Variants in RAD50 observed in about 807,000 individuals in gnomAD.
The protein encoded by RAD50 is RAD50 double strand break repair protein.
A neutral mutation model predicts 168.8 loss-of-function variants in RAD50; 132 were observed. That is an observed-to-expected ratio of 0.78 (90% confidence interval 0.68 to 0.90). RAD50 has a LOEUF of 0.90. RAD50 is among the 40% of genes least tolerant of loss of function. The probability of loss-of-function intolerance (pLI) is 0.00; values close to 1 mark genes in which losing one functional copy is unlikely to be tolerated. For synonymous variants in RAD50, 525 were observed against 497.4 expected (o/e 1.06, Z -0.74); for missense variants, 1,347 against 1,534.4 (o/e 0.88, Z 2.04).
At position 132,644,520 on chromosome 5, in the gene RAD50, G is replaced by C. The variant is rs1751809024; in HGVS notation, c.*2156G>C. On this transcript the variant is annotated 3_prime_UTR_variant, in exon 25 of 25. Coordinates refer to ENST00000378823, the MANE Select transcript of RAD50 (RefSeq NM_005732.4). ...GGTAAAATGGTACATATTTTGTAGG[G>C]TTGTTATGAAGATTGAATGACATTA... 5.5e-6 allele frequency: 1 copy of C among 180,960 alleles called. No individual in the cohort carries two copies. Among genetic ancestry groups the C allele is most frequent in the African/African-American group, 2.4e-5 (1 of 42,412 alleles). The allele number at this position is 180,960 out of a possible 1,614,324, so 11.2% of individuals were successfully genotyped here.
chr5:132,608,279 C>T (rs1751019411), intron 16 of RAD50, among the ~76,000 whole-genome samples: 1 of 150,140 alleles, frequency 6.7e-6, no homozygotes, highest in African/African-American at 2.5e-5. Context: ...ATTGGGAGCA[C>T]ATGGCCTAGA....
chr5:132,604,171 CTT>C, intron 15 of RAD50, 125 bp downstream of exon 15: 1 of 1,189,822 alleles, frequency 8.4e-7, no homozygotes, highest in Non-Finnish European at 1.2e-6. Flanking sequence ...TATATTTGCT[CTT>C]TTTTTCTGAA....
intron 21 of RAD50, among the ~76,000 whole-genome samples, chr5:132,619,861 T>G (rs1751252098): frequency 7.7e-6 from 1 of 129,312 alleles, no homozygotes; most frequent in Admixed American, 7.5e-5. Flanking sequence ...TAAAGATATA[T>G]ATATATAAAG....
At chr5:132,638,268 G>T in intron 23 of RAD50, 45 bp downstream of exon 23, 1 of 1,609,732 alleles carries the variant, frequency 6.2e-7, no homozygotes, top group South Asian at 1.1e-5. Flanking sequence ...CCAAGTAACT[G>T]AAAGAGAGAA....
In RAD50 at chr5:132,580,961, T is replaced by C. The variant is rs547505526; in HGVS notation, c.756+895T>C. Among the ~76,000 whole-genome samples, 11 of 152,220 alleles carry C rather than the reference T, an allele frequency of 7.2e-5. No homozygotes were observed. In the South Asian group the frequency reaches 1.9e-3, roughly 26 times the overall value. Reference sequence around the variant, plus strand: ...TCTTTGAATCATGAAGTAGAAAATATATATATATTTTTAATGATGGCCATG... The same window carrying C: ...TCTTTGAATCATGAAGTAGAAAATACATATATATTTTTAATGATGGCCATG... On this transcript the variant is annotated intron_variant, in intron 5 of 24. Transcript: ENST00000378823.
At chr5:132,628,318 A>G (rs1751403053) in intron 21 of RAD50, among the ~76,000 whole-genome samples, 1 of 152,240 alleles carries the variant, frequency 6.6e-6, no homozygotes, top group Non-Finnish European at 1.5e-5. Flanking sequence ...TTGCAAATCC[A>G]GTAAATAAGC....
intron 11 of RAD50, 104 bp from the exon 12 acceptor site, chr5:132,594,765 T>G: frequency 1.7e-6 from 2 of 1,205,488 alleles, no homozygotes; most frequent in African/African-American, 3.0e-5. Flanking sequence ...TACCAAACTC[T>G]TGTCATGATT....
chr5:132,586,762 G>A (rs1009819328), intron 5 of RAD50, among the ~76,000 whole-genome samples: 7 of 152,108 alleles, frequency 4.6e-5, no homozygotes, highest in African/African-American at 1.7e-4. Context: ...CTACTTGGAG[G>A]CTGAGGTGGG....
intron 19 of RAD50, among the ~76,000 whole-genome samples, chr5:132,614,303 T>C (rs1299662732): frequency 2.6e-5 from 4 of 152,176 alleles, no homozygotes; most frequent in Admixed American, 1.3e-4. Context: ...TTGTTCCTAA[T>C]AAGGAACAAC....
chr5:132,579,611 G>C, intron 4 of RAD50, 109 bp downstream of exon 4: 1 of 1,143,508 alleles, frequency 8.7e-7, no homozygotes, highest in East Asian at 2.4e-5. Flanking sequence ...AAGGTCATCA[G>C]TTACTACCTC....
rs112709246 is a variant in RAD50, at chr5:132,609,647, C to G, written c.3036+251C>G. Among the ~76,000 whole-genome samples, 6 of 151,952 alleles carry G rather than the reference C, an allele frequency of 3.9e-5. No individual in the cohort carries two copies. The East Asian group carries it at 5.8e-4, about 15-fold the overall frequency. ...AAATACAAAAATTAGCTGGCCGTGG[C>G]GGCGCGCACCTGTAGTCCCAGCTAC... is the stretch of plus-strand genomic sequence containing the variant. On this transcript the variant is annotated intron_variant, in intron 19 of 24. Transcript: ENST00000378823.
chr5:132,602,170 G>A (rs1280698807), intron 13 of RAD50, among the ~76,000 whole-genome samples: 1 of 152,038 alleles, frequency 6.6e-6, no homozygotes, highest in African/African-American at 2.4e-5. Flanking sequence ...CTATAGGTCT[G>A]TTGCCACAGG....
intron 13 of RAD50, among the ~76,000 whole-genome samples, chr5:132,599,141 G>T (rs184710322): frequency 3.9e-5 from 6 of 151,966 alleles, no homozygotes; most frequent in African/African-American, 1.4e-4. Context: ...AAACTGTCTC[G>T]CAGTGATTAG....
chr5:132,591,033 C>T (rs1457254720), intron 9 of RAD50, among the ~76,000 whole-genome samples, 191 bp from the exon 10 acceptor site: 1 of 152,180 alleles, frequency 6.6e-6, no homozygotes, highest in African/African-American at 2.4e-5. Flanking sequence ...ACCATTATAA[C>T]ATAGTAAGGT....
intron 21 of RAD50, chr5:132,630,900 A>C (rs1389128994): frequency 6.6e-6 from 1 of 152,178 alleles, no homozygotes; most frequent in East Asian, 1.9e-4. Flanking sequence ...GCCTAGAACA[A>C]AACAGAACAA....
chr5:132,592,929 T>A (rs1187811795), intron 11 of RAD50: 1 of 469,672 alleles, frequency 2.1e-6, no homozygotes, highest in African/African-American at 2.0e-5. Context: ...TCAACTTTAA[T>A]TTTTCAGTCA....
chr5:132,637,216 T>C lies in RAD50; in HGVS notation c.3475+16T>C. The C allele has an allele frequency of 6.2e-7, 1 of 1,608,672 alleles. No homozygotes were observed. The highest frequency in any genetic ancestry group is 8.5e-7 in the Non-Finnish European group (1 of 1,176,702). On this transcript the variant is annotated intron_variant, in intron 22 of 24. Transcript: ENST00000378823. ...CGTGGACAAGGTGAGTACCATGGTG[T>C]ATCACAAATGCTCTTTCCAAAGCCC...
rs1362068987 is a variant in RAD50 at position 132,644,005 on chromosome 5, CAA to C, written c.*1644_*1645del. 4.5e-6 allele frequency: 1 copy of C among 222,616 alleles called. No homozygotes were observed. 13.8% of individuals were successfully genotyped at this position (222,616 alleles called of 1,614,324 possible). ...TTCTTAATGTTATCTGTTGCTAAAT[CAA>C]AATTAAACAGTCATCTTAACTGCAA... is the stretch of plus-strand genomic sequence containing the variant. On this transcript the variant is annotated 3_prime_UTR_variant, in exon 25 of 25. Coordinates refer to ENST00000378823, the MANE Select transcript of RAD50 (RefSeq NM_005732.4).
chr5:132,612,141 A>G (rs1248618396), intron 19 of RAD50, among the ~76,000 whole-genome samples: 1 of 152,212 alleles, frequency 6.6e-6, no homozygotes. Context: ...ATGATCAGAT[A>G]AACAAAATGT....
Sources: allele counts gnomAD v4.1 joint callset (sites outside exome capture counted in the v4.1 genomes callset), GRCh38; gene constraint gnomAD v4.1.1; transcripts MANE v1.5; gene names NCBI Gene and HGNC (gene_info 2026-07-23, HGNC 2026-07-21).